The following SGK3 variants were observed in gnomAD, a reference collection of about 807,000 sequenced individuals.
SGK3 encodes the protein serine/threonine-protein kinase Sgk3.
SGK3 carries 47 observed loss-of-function variants against 68.5 expected under a neutral mutation model. The observed-to-expected ratio is 0.69, with a 90% CI of 0.54 to 0.87. SGK3 has a LOEUF of 0.87. SGK3 is among the 40% of genes least tolerant of loss of function. SGK3 has a pLI of 0.00. For synonymous variants in SGK3, 181 were observed against 189.1 expected, an observed-to-expected ratio of 0.96 and a Z score of 0.35; for missense variants, 479 against 575.5, an observed-to-expected ratio of 0.83 and a Z score of 1.72.
At chr8:66,813,815 G>A (rs1585755079) in intron 4 of SGK3, 38 bp from the exon 5 acceptor site, 2 of 1,515,420 alleles carry the variant, frequency 1.3e-6, no homozygotes, top group East Asian at 2.4e-5. Context: ...TGCATAGTCT[G>A]ACATAAATAA....
chr8:66,762,600 C>A (rs923972173), intron 1 of SGK3, among the ~76,000 whole-genome samples: 10 of 152,026 alleles, frequency 6.6e-5, no homozygotes, highest in Non-Finnish European at 1.3e-4. Flanking sequence ...TTTATGATTT[C>A]TTATTATTGG....
intron 6 of SGK3, among the ~76,000 whole-genome samples, chr8:66,826,720 C>T (rs1422818170): frequency 1.3e-5 from 2 of 152,128 alleles, no homozygotes; most frequent in Non-Finnish European, 2.9e-5. Flanking sequence ...TCTCAGCTCA[C>T]TGCAACCTCT....
Position 66,798,588 on chromosome 8 carries a change from T to A in SGK3, c.143T>A (p.Phe48Tyr). ...GTGGGAAGAAGTGAATGGTTTGTCT[T>A]CAGGAGATATGCAGAGTTTGATAAA... is the stretch of plus-strand genomic sequence containing the variant. ...VSVGRSEWFV[F>Y]RRYAEFDKLY... is the part of the protein sequence containing the mutation. The change falls in exon 3 of 17, where the codon TTC becomes TAC. Residue 48 changes from phenylalanine to tyrosine, a missense_variant. Around this residue, in one of 3 missense-constraint regions of SGK3, gnomAD observed 298 missense variants for 329.4 expected, o/e 0.90. Coordinates refer to ENST00000521198, the MANE Select transcript of SGK3 (RefSeq NM_001033578.3). 1 of 1,611,848 alleles carries A rather than the reference T, an allele frequency of 6.2e-7. No homozygotes were observed. The highest frequency in any genetic ancestry group is 8.5e-7 in the Non-Finnish European group (1 of 1,178,898).
intron 5 of SGK3, among the ~76,000 whole-genome samples, chr8:66,817,408 C>A (rs555206156): frequency 6.6e-6 from 1 of 151,382 alleles, no homozygotes; most frequent in African/African-American, 2.4e-5. Flanking sequence ...TCCAGCCTGG[C>A]GACAGAGTGA....
At chr8:66,714,279 T>C (rs1257587242) in intron 1 of SGK3, among the ~76,000 whole-genome samples, 3 of 152,268 alleles carry the variant, frequency 2.0e-5, no homozygotes, top group African/African-American at 4.8e-5. Flanking sequence ...CTATTTGCTC[T>C]TGGAAACATT....
intron 4 of SGK3, among the ~76,000 whole-genome samples, chr8:66,808,385 A>C (rs1808246624): frequency 6.6e-6 from 1 of 152,222 alleles, no homozygotes. Context: ...CAAATTTTAC[A>C]CTGCATTCAT....
intron 5 of SGK3, among the ~76,000 whole-genome samples, chr8:66,819,626 T>A (rs1404176431): frequency 3.3e-5 from 5 of 152,186 alleles, no homozygotes; most frequent in African/African-American, 4.8e-5. Flanking sequence ...ATCTTAAATG[T>A]GCAGAGAAAA....
At chr8:66,728,483 C>T (rs571386624) in intron 1 of SGK3, among the ~76,000 whole-genome samples, 5 of 152,156 alleles carry the variant, frequency 3.3e-5, no homozygotes, top group South Asian at 2.1e-4. Flanking sequence ...CCCACCATCA[C>T]GCCCAGCTAA....
chr8:66,848,748 G>C (rs1312744823), intron 15 of SGK3, among the ~76,000 whole-genome samples: 1 of 151,936 alleles, frequency 6.6e-6, no homozygotes, highest in Non-Finnish European at 1.5e-5. Flanking sequence ...TGCTTCTTAA[G>C]CCAAAAAAAC....
At chr8:66,779,019 T>C (rs141498350) in intron 1 of SGK3, among the ~76,000 whole-genome samples, 1 of 152,322 alleles carries the variant, frequency 6.6e-6, no homozygotes, top group African/African-American at 2.4e-5. Context: ...ATTCTCTTTC[T>C]CTCTGGTCTG....
chr8:66,773,872 CTG>C (rs1806596582), intron 1 of SGK3, among the ~76,000 whole-genome samples: 1 of 152,064 alleles, frequency 6.6e-6, no homozygotes. Flanking sequence ...TTTTTTCAGA[CTG>C]TTGGTCAAAA....
chr8:66,778,105 A>T (rs1205476730), intron 1 of SGK3: 1 of 152,172 alleles, frequency 6.6e-6, no homozygotes, highest in Non-Finnish European at 1.5e-5. Context: ...TTCAGTTGGA[A>T]GTGGTTTTTT....
At chr8:66,857,049 C>T (rs574359182) in intron 16 of SGK3, among the ~76,000 whole-genome samples, 3 of 151,998 alleles carry the variant, frequency 2.0e-5, no homozygotes, top group South Asian at 2.1e-4. Flanking sequence ...GCCAAGATCA[C>T]GCCACTGCAC....
intron 1 of SGK3, among the ~76,000 whole-genome samples, chr8:66,762,386 A>G (rs562979643): frequency 1.3e-5 from 2 of 152,264 alleles, no homozygotes; most frequent in East Asian, 3.9e-4. Flanking sequence ...GTGTGGTGGC[A>G]TGTGCCTTTA....
chr8:66,748,258 C>A (rs555389409), intron 1 of SGK3, among the ~76,000 whole-genome samples: 1 of 152,060 alleles, frequency 6.6e-6, no homozygotes, highest in South Asian at 2.1e-4. Context: ...ATTTGGAGAT[C>A]GTTTTGGTAA....
intron 1 of SGK3, among the ~76,000 whole-genome samples, chr8:66,744,536 T>TTG (rs1563605886): frequency 3.3e-5 from 4 of 122,358 alleles, no homozygotes; most frequent in African/African-American, 1.2e-4. Flanking sequence ...TTTTTTTTTT[T>TTG]TTTTTTTTTA....
chr8:66,819,538 T>G (rs915787001), intron 5 of SGK3, among the ~76,000 whole-genome samples: 1 of 152,180 alleles, frequency 6.6e-6, no homozygotes, highest in Non-Finnish European at 1.5e-5. Context: ...CTATCAAAAG[T>G]GATTGTTTAC....
At chr8:66,816,407 G>A (rs753666893) in intron 5 of SGK3, among the ~76,000 whole-genome samples, 5 of 146,346 alleles carry the variant, frequency 3.4e-5, no homozygotes, top group Admixed American at 6.9e-5. Flanking sequence ...GTGCAGTGGC[G>A]CAATCTCAGC....
At chr8:66,780,582 T>C (rs745945862) in intron 1 of SGK3, among the ~76,000 whole-genome samples, 21 of 152,142 alleles carry the variant, frequency 1.4e-4, no homozygotes, top group Admixed American at 3.9e-4. Flanking sequence ...GAGGGGCCAC[T>C]GGTACAATAG....
Sources: gnomAD v4.1 joint callset for allele counts (sites outside exome capture counted in the v4.1 genomes callset) on GRCh38, gnomAD v4.1.1 for gene constraint, gnomAD v4.1.1 regional missense constraint, MANE v1.5 for transcripts, NCBI Gene and HGNC (gene_info 2026-07-23, HGNC 2026-07-21) for gene names.